The following PAK5 variants were observed in gnomAD, a reference collection of about 807,000 sequenced individuals.
PAK5 encodes serine/threonine-protein kinase PAK 5.
PAK5 carries 16 observed loss-of-function variants against 65.9 expected under a neutral mutation model. The ratio of observed to expected loss-of-function variants is 0.24; its 90% CI spans 0.16 to 0.37. The LOEUF (loss-of-function observed/expected upper bound fraction) is 0.37. PAK5 is among the 10% of genes least tolerant of loss of function. The pLI, the probability that PAK5 is intolerant of heterozygous loss-of-function variation, is 1.00. For synonymous variants in PAK5, 371 were observed against 354.9 expected, an observed-to-expected ratio of 1.05 and a Z score of -0.51; for missense variants, 785 against 903.9, an observed-to-expected ratio of 0.87 and a Z score of 1.69.
chr20:9,681,438 C>T (rs1327507215), intron 2 of PAK5, among the ~76,000 whole-genome samples: 1 of 152,070 alleles, frequency 6.6e-6, no homozygotes, highest in Non-Finnish European at 1.5e-5. Flanking sequence ...ATGTTTCCCC[C>T]AACTTGTCCT....
At chr20:9,827,341 A>AT (rs1978348627) in intron 1 of PAK5, among the ~76,000 whole-genome samples, 1 of 152,172 alleles carries the variant, frequency 6.6e-6, no homozygotes, top group Non-Finnish European at 1.5e-5. Context: ...ACTGCGTGAT[A>AT]TTTTGCCTTG....
At chr20:9,635,412 A>C (rs867884015) in intron 3 of PAK5, among the ~76,000 whole-genome samples, 1 of 152,134 alleles carries the variant, frequency 6.6e-6, no homozygotes, top group African/African-American at 2.4e-5. Flanking sequence ...TGTGGCTTTC[A>C]AAAGTGCCCC....
chr20:9,563,066 G>A (rs369922727), intron 5 of PAK5, 42 bp from the exon 6 acceptor site: 329 of 1,592,734 alleles, frequency 2.1e-4, no homozygotes, highest in Non-Finnish European at 2.7e-4. Flanking sequence ...TGAAGATGAA[G>A]TTGCTTTTTG....
chr20:9,596,271 T>A lies in PAK5; in HGVS notation c.205-15341A>T, dbSNP rs80279780. ...GGTCTTCTGAAGGCTGTTTACTCTT[T>A]AGGAAAATACTACCCCACTGCACAG... On this transcript the variant is annotated intron_variant, in intron 3 of 9. Coordinates refer to ENST00000353224, the MANE Select transcript of PAK5 (RefSeq NM_177990.4). Among the ~76,000 whole-genome samples, 986 of 152,220 alleles carry A rather than the reference T, an allele frequency of 6.5e-3. 18 individuals carry two copies. Among genetic ancestry groups the A allele is most frequent in the African/African-American group, 0.023 (936 of 41,534 alleles).
At chr20:9,603,468 C>T (rs1459314397) in intron 3 of PAK5, among the ~76,000 whole-genome samples, 1 of 152,160 alleles carries the variant, frequency 6.6e-6, no homozygotes, top group African/African-American at 2.4e-5. Context: ...CTCCTCCTGG[C>T]ACCCAAAGGT....
intron 1 of PAK5, among the ~76,000 whole-genome samples, chr20:9,774,282 T>C (rs1294988203): frequency 2.0e-5 from 3 of 152,132 alleles, no homozygotes; most frequent in Admixed American, 6.5e-5. Flanking sequence ...AAAGCTATGA[T>C]TGGAGAAAAC....
chr20:9,698,561 T>C (rs2047899231), intron 2 of PAK5, among the ~76,000 whole-genome samples: 1 of 152,222 alleles, frequency 6.6e-6, no homozygotes, highest in African/African-American at 2.4e-5. Context: ...GTTTGCTTTC[T>C]AAGTCACAGG....
chr20:9,640,760 G>A lies in PAK5; in HGVS notation c.204+3365C>T, dbSNP rs558266979. Among the ~76,000 whole-genome samples the A allele has an allele frequency of 1.3e-4, 20 of 152,118 alleles. No individual in the cohort carries two copies. In the East Asian group the frequency reaches 3.7e-3, roughly 28 times the overall value. On this transcript the variant is annotated intron_variant, in intron 3 of 9. Transcript: ENST00000353224. Reference sequence around the variant, plus strand: ...AGGAGTGAAGCTGCAGACCTTCACGGTGAGTGTTACAGCTCTTAAGACAGC... The same window carrying A: ...AGGAGTGAAGCTGCAGACCTTCACGATGAGTGTTACAGCTCTTAAGACAGC...
intron 7 of PAK5, among the ~76,000 whole-genome samples, chr20:9,545,358 T>C (rs1463258460): frequency 6.6e-6 from 1 of 152,222 alleles, no homozygotes; most frequent in Non-Finnish European, 1.5e-5. Context: ...GAAGCCATAA[T>C]TTCTAGTCAT....
intron 2 of PAK5, among the ~76,000 whole-genome samples, chr20:9,680,852 C>A (rs1311499431): frequency 1.3e-5 from 2 of 152,196 alleles, no homozygotes; most frequent in African/African-American, 4.8e-5. Flanking sequence ...AGGATAGGAT[C>A]AGCGTTAGCA....
intron 7 of PAK5, among the ~76,000 whole-genome samples, chr20:9,545,376 T>C (rs562058777): frequency 1.5e-3 from 226 of 152,326 alleles, no homozygotes; most frequent in African/African-American, 5.1e-3. Flanking sequence ...CATGATGACC[T>C]GGTCTGAACT....
intron 1 of PAK5, among the ~76,000 whole-genome samples, chr20:9,776,471 GTTTTCACTAAGTAGAAC>G (rs1163226171): frequency 6.6e-6 from 1 of 152,148 alleles, no homozygotes; most frequent in African/African-American, 2.4e-5. Flanking sequence ...TGATGCTCCT[GTTTTCACTAAGTAGAAC>G]TTAATTTCCC....
intron 3 of PAK5, among the ~76,000 whole-genome samples, chr20:9,634,612 C>T (rs1460970075): frequency 6.6e-6 from 1 of 152,072 alleles, no homozygotes; most frequent in Non-Finnish European, 1.5e-5. Flanking sequence ...CAAAAAATAA[C>T]CACATTAATA....
At chr20:9,828,981 G>T (rs1978498429) in intron 1 of PAK5, among the ~76,000 whole-genome samples, 1 of 152,086 alleles carries the variant, frequency 6.6e-6, no homozygotes, top group African/African-American at 2.4e-5. Flanking sequence ...GAGTAGTAGG[G>T]GTATGAACCA....
intron 1 of PAK5, among the ~76,000 whole-genome samples, chr20:9,722,781 G>T (rs2123525288): frequency 6.6e-6 from 1 of 151,658 alleles, no homozygotes; most frequent in South Asian, 2.1e-4. Flanking sequence ...CTATCGCCCA[G>T]GCTGGAGTGC....
At chr20:9,835,527 G>A (rs1347782992) in intron 1 of PAK5, among the ~76,000 whole-genome samples, 2 of 152,074 alleles carry the variant, frequency 1.3e-5, no homozygotes, top group South Asian at 2.1e-4. Context: ...GTGTGTGGGT[G>A]GTATTTTATG....
intron 3 of PAK5, among the ~76,000 whole-genome samples, chr20:9,643,105 A>G (rs1468132679): frequency 6.6e-6 from 1 of 152,192 alleles, no homozygotes; most frequent in Non-Finnish European, 1.5e-5. Context: ...ATATTATTTA[A>G]ATACAGTTTA....
intron 1 of PAK5, among the ~76,000 whole-genome samples, chr20:9,828,652 A>AAACACCATTTGCATGAATCC (rs760036124): frequency 7.2e-5 from 11 of 152,336 alleles, no homozygotes; most frequent in Admixed American, 2.6e-4. Flanking sequence ...ATTATTATAC[A>AAACACCATTTGCATGAATCC]AACACCATTT....
intron 1 of PAK5, among the ~76,000 whole-genome samples, chr20:9,744,711 C>G (rs2048486984): frequency 6.6e-6 from 1 of 152,210 alleles, no homozygotes; most frequent in Non-Finnish European, 1.5e-5. Flanking sequence ...ATGTTCCACA[C>G]CAGCTCAAGG....
Sources: allele counts gnomAD v4.1 joint callset (sites outside exome capture counted in the v4.1 genomes callset), GRCh38; gene constraint gnomAD v4.1.1; transcripts MANE v1.5; gene names NCBI Gene and HGNC (gene_info 2026-07-23, HGNC 2026-07-21).